The following GRIK2 variants were observed in gnomAD, a reference collection of about 807,000 sequenced individuals.
GRIK2 encodes glutamate ionotropic receptor kainate type subunit 2.
GRIK2 carries 32 observed loss-of-function variants against 100.3 expected under a neutral mutation model. The ratio of observed to expected loss-of-function variants is 0.32; its 90% CI spans 0.24 to 0.43. The LOEUF (loss-of-function observed/expected upper bound fraction) is 0.43, where lower values mean the gene tolerates loss of function less well. Among genes scored for constraint, GRIK2 ranks in the 20% least tolerant of loss-of-function variants. GRIK2 has a pLI of 1.00. For synonymous variants in GRIK2, 417 were observed against 389.4 expected (o/e 1.07, Z -0.83); for missense variants, 843 against 1,114.9 (o/e 0.76, Z 3.47).
chr6:101,527,106 T>C (rs150405705), intron 2 of GRIK2, among the ~76,000 whole-genome samples: 75 of 152,308 alleles, frequency 4.9e-4, no homozygotes, highest in African/African-American at 1.7e-3. Flanking sequence ...CATCTGATCA[T>C]ATTAAAGGTT....
chr6:101,897,987 G>A (rs1242231567), intron 12 of GRIK2, among the ~76,000 whole-genome samples: 1 of 151,828 alleles, frequency 6.6e-6, no homozygotes, highest in Non-Finnish European at 1.5e-5. Context: ...TGGGTCAGGT[G>A]AGGGACAATT....
chr6:102,043,619 T>C (rs946235279), intron 15 of GRIK2, among the ~76,000 whole-genome samples: 4 of 151,958 alleles, frequency 2.6e-5, no homozygotes, highest in African/African-American at 9.7e-5. Flanking sequence ...TAGTATTCCA[T>C]TGTGTGTATA....
chr6:101,746,349 A>T (rs1776419611), intron 7 of GRIK2, among the ~76,000 whole-genome samples: 1 of 152,092 alleles, frequency 6.6e-6, no homozygotes, highest in South Asian at 2.1e-4. Context: ...ATTTATTGAG[A>T]CAGAGTCTTA....
At chr6:101,435,579 A>G (rs1306603139) in intron 2 of GRIK2, among the ~76,000 whole-genome samples, 1 of 151,910 alleles carries the variant, frequency 6.6e-6, no homozygotes, top group Non-Finnish European at 1.5e-5. Flanking sequence ...CATGATCTCC[A>G]TGCCAGTGGC....
intron 7 of GRIK2, among the ~76,000 whole-genome samples, chr6:101,760,548 T>A (rs867265284): frequency 1.5e-4 from 13 of 88,598 alleles, no homozygotes; most frequent in Admixed American, 1.7e-4. Flanking sequence ...ATTATATATT[T>A]ATTATATATA....
At chr6:102,021,093 T>G (rs947395075) in intron 14 of GRIK2, among the ~76,000 whole-genome samples, 1 of 151,826 alleles carries the variant, frequency 6.6e-6, no homozygotes, top group Non-Finnish European at 1.5e-5. Flanking sequence ...AAAATGATAA[T>G]GCTTTTTATG....
intron 2 of GRIK2, among the ~76,000 whole-genome samples, chr6:101,526,101 A>G (rs1562201434): frequency 6.6e-6 from 1 of 152,194 alleles, no homozygotes; most frequent in Non-Finnish European, 1.5e-5. Flanking sequence ...TACTGAGACC[A>G]ACTGCTCTAT....
chr6:101,642,751 C>A (rs979544376), intron 4 of GRIK2, among the ~76,000 whole-genome samples: 2 of 151,452 alleles, frequency 1.3e-5, no homozygotes, highest in African/African-American at 4.8e-5. Flanking sequence ...CAGTATATAC[C>A]CAGATGTGGA....
At chr6:101,644,330 A>G (rs1478217222) in intron 4 of GRIK2, among the ~76,000 whole-genome samples, 2 of 151,714 alleles carry the variant, frequency 1.3e-5, no homozygotes, top group Non-Finnish European at 3.0e-5. Context: ...TAGGAAATGC[A>G]AGTGTACAGA....
rs998950097 is a variant in GRIK2, at chr6:101,859,488, G to A, written c.1519G>A (p.Asp507Asn). The A allele has an allele frequency of 2.6e-6, 4 of 1,558,162 alleles. No individual in the cohort carries two copies. Among genetic ancestry groups the A allele is most frequent in the Non-Finnish European group, 3.5e-6 (4 of 1,131,696 alleles). Residue 507 changes from aspartate to asparagine, a missense_variant, in exon 11 of 17, where the codon GAT becomes AAT. By Grantham distance (23) the Asp-to-Asn change is conservative (BLOSUM62 1). Around this residue, in one of 3 missense-constraint regions of GRIK2, gnomAD observed 519 missense variants for 643.8 expected, o/e 0.81. Transcript: ENST00000369134. The part of the protein sequence containing the change: ...QWNGMVRELI[D>N]HKADLAVAPL... ...GAATGGAATGGTTCGTGAACTAATT[G>A]ATCATGTAAGTCCCTTCCCTCATGA...
intron 11 of GRIK2, among the ~76,000 whole-genome samples, chr6:101,864,234 T>G (rs1784917136): frequency 6.6e-6 from 1 of 151,458 alleles, no homozygotes; most frequent in African/African-American, 2.4e-5. Context: ...GTTAAATACA[T>G]CAGTGAGACA....
chr6:101,928,169 A>G, intron 13 of GRIK2: 1 of 474,082 alleles, frequency 2.1e-6, no homozygotes, highest in Non-Finnish European at 3.7e-6. Flanking sequence ...GGAACTTTGC[A>G]TCATCTCAGG....
intron 2 of GRIK2, among the ~76,000 whole-genome samples, chr6:101,523,520 G>T (rs1350963062): frequency 6.6e-6 from 1 of 152,146 alleles, no homozygotes; most frequent in African/African-American, 2.4e-5. Context: ...AAAATTTTAT[G>T]AATGAAGTAA....
At chr6:102,039,957 A>ATTC (rs1011101505) in intron 15 of GRIK2, among the ~76,000 whole-genome samples, 5 of 151,502 alleles carry the variant, frequency 3.3e-5, no homozygotes, top group Admixed American at 2.6e-4. Flanking sequence ...GGATGGAGGG[A>ATTC]ATTGTGCTCA....
chr6:101,827,977 A>G, intron 10 of GRIK2, among the ~76,000 whole-genome samples: 1 of 151,992 alleles, frequency 6.6e-6, no homozygotes, highest in African/African-American at 2.4e-5. Flanking sequence ...CAGAATATAC[A>G]TTCTTCTCAT....
In GRIK2 at chr6:101,488,681, C is replaced by T. The variant is rs139427472; in HGVS notation, c.115+89289C>T. The stretch of plus-strand genomic sequence containing the variant: ...GTGTTTCCTCATCTACAACAAATTG[C>T]TCAGCCCAAATTGTATCTAAATTAT... On this transcript the variant is annotated intron_variant, in intron 2 of 16. Coordinates refer to ENST00000369134, the MANE Select transcript of GRIK2 (RefSeq NM_021956.5). Among the ~76,000 whole-genome samples, 576 of 146,710 alleles carry T rather than the reference C, an allele frequency of 3.9e-3. 84 individuals carry two copies. The highest frequency in any genetic ancestry group is 0.014 in the African/African-American group (541 of 38,580).
intron 4 of GRIK2, among the ~76,000 whole-genome samples, chr6:101,671,919 C>T (rs1450487649): frequency 1.3e-5 from 2 of 152,118 alleles, no homozygotes; most frequent in Non-Finnish European, 2.9e-5. Context: ...TTCAGGGACC[C>T]TTCTGAAGGG....
chr6:101,858,771 A>G (rs1003148195), intron 10 of GRIK2, among the ~76,000 whole-genome samples: 1 of 151,960 alleles, frequency 6.6e-6, no homozygotes, highest in African/African-American at 2.4e-5. Context: ...GGTTGTTGGG[A>G]CAAAATGTGA....
At chr6:101,982,012 CA>C (rs1190819351) in intron 14 of GRIK2, among the ~76,000 whole-genome samples, 1 of 151,780 alleles carries the variant, frequency 6.6e-6, no homozygotes, top group Non-Finnish European at 1.5e-5. Context: ...AAAAAACAAA[CA>C]CTTTTTGAAT....
Sources: allele counts gnomAD v4.1 joint callset (sites outside exome capture counted in the v4.1 genomes callset), GRCh38; gene constraint gnomAD v4.1.1; regional missense constraint gnomAD v4.1.1; transcripts MANE v1.5; gene names NCBI Gene and HGNC (gene_info 2026-07-23, HGNC 2026-07-21).